Variants in RASAL2 observed in about 807,000 individuals in gnomAD.
RASAL2 encodes the protein RAS protein activator like 2, also known as ras GTPase-activating protein nGAP.
A neutral mutation model predicts 128.9 loss-of-function variants in RASAL2; 58 were observed. The ratio of observed to expected loss-of-function variants is 0.45; its 90% confidence interval spans 0.36 to 0.56. The LOEUF (loss-of-function observed/expected upper bound fraction) is 0.56. Ranked by LOEUF, RASAL2 falls within the 20% of genes least tolerant of loss-of-function variation. The probability of loss-of-function intolerance (pLI) is 0.00; values close to 1 mark genes in which losing one functional copy is unlikely to be tolerated. For missense variants in RASAL2, 1,360 were observed against 1,601.6 expected (o/e 0.85, Z 2.57); for synonymous variants, 561 against 580.8 (o/e 0.97, Z 0.49).
chr1:178,372,385 A>G (rs969841075), intron 3 of RASAL2: 1 of 966,144 alleles, frequency 1.0e-6, no homozygotes, highest in African/African-American at 1.8e-5. Flanking sequence ...ACTTTTGGGA[A>G]TAGGACCCCA....
At chr1:178,207,283 T>C (rs1447135678) in intron 1 of RASAL2, among the ~76,000 whole-genome samples, 2 of 151,856 alleles carry the variant, frequency 1.3e-5, no homozygotes, top group Admixed American at 1.3e-4. Flanking sequence ...AAAAAATAAA[T>C]ACAGTTTGTC....
At chr1:178,383,483 T>C (rs1003441763) in intron 3 of RASAL2, among the ~76,000 whole-genome samples, 1 of 152,236 alleles carries the variant, frequency 6.6e-6, no homozygotes, top group Non-Finnish European at 1.5e-5. Flanking sequence ...TTCTCTTTGC[T>C]CTTGTCACTT....
chr1:178,135,899 G>A (rs907626271), intron 1 of RASAL2, among the ~76,000 whole-genome samples: 14 of 152,154 alleles, frequency 9.2e-5, no homozygotes, highest in African/African-American at 2.7e-4. Flanking sequence ...CACGAGAACA[G>A]TATGGGGAAA....
intron 3 of RASAL2, among the ~76,000 whole-genome samples, chr1:178,307,503 A>G (rs368843958): frequency 6.6e-6 from 1 of 152,202 alleles, no homozygotes. Flanking sequence ...TTTGTATACA[A>G]ATAATACTGG....
At position 178,136,968 on chromosome 1, in the gene RASAL2, G is replaced by A. The variant is rs1660349928; in HGVS notation, c.202+42274G>A. Reference sequence around the variant, plus strand: ...TTTTATCCTTTAATTAGATGTAGTGGGGATAAGATTGGAAAGGTAAGTAGG... The same window carrying A: ...TTTTATCCTTTAATTAGATGTAGTGAGGATAAGATTGGAAAGGTAAGTAGG... On this transcript the variant is annotated intron_variant, in intron 1 of 17. Transcript: ENST00000367649. Among the ~76,000 whole-genome samples the A allele has an allele frequency of 2.0e-5, 3 of 151,984 alleles. No individual in the cohort carries two copies. In the South Asian group the frequency reaches 6.2e-4, roughly 32 times the overall value.
chr1:178,370,583 C>T (rs1373210390), intron 3 of RASAL2, among the ~76,000 whole-genome samples: 3 of 152,154 alleles, frequency 2.0e-5, no homozygotes, highest in African/African-American at 7.2e-5. Context: ...GTCACTTTAA[C>T]TACTTTTAAG....
chr1:178,094,833 G>A, intron 1 of RASAL2, 139 bp downstream of exon 1: 1 of 1,069,732 alleles, frequency 9.3e-7, no homozygotes, highest in Non-Finnish European at 1.3e-6. Flanking sequence ...TTCTGGGGGT[G>A]CATTTCTGAC....
intron 3 of RASAL2, among the ~76,000 whole-genome samples, chr1:178,359,558 T>A (rs1228117096): frequency 6.6e-6 from 1 of 152,226 alleles, no homozygotes. Flanking sequence ...AAACATCATT[T>A]TGGAATTTCC....
At chr1:178,454,289 G>A (rs1193695038) in intron 11 of RASAL2, among the ~76,000 whole-genome samples, 158 bp from the exon 12 acceptor site, 1 of 150,474 alleles carries the variant, frequency 6.6e-6, no homozygotes, top group African/African-American at 2.4e-5. Flanking sequence ...GTGATATTAA[G>A]AAAGTATGTT....
intron 3 of RASAL2, among the ~76,000 whole-genome samples, chr1:178,354,066 T>A (rs1670664559): frequency 6.6e-6 from 1 of 152,120 alleles, no homozygotes; most frequent in Admixed American, 6.5e-5. Context: ...CACCTAGCAA[T>A]GACACATCAT....
intron 3 of RASAL2, among the ~76,000 whole-genome samples, chr1:178,357,147 C>A (rs1389381046): frequency 6.6e-6 from 1 of 152,142 alleles, no homozygotes; most frequent in Admixed American, 6.5e-5. Flanking sequence ...AATAGCCTTG[C>A]AAATTTGTTC....
At chr1:178,323,472 G>T (rs183548699) in intron 3 of RASAL2, among the ~76,000 whole-genome samples, 1 of 152,256 alleles carries the variant, frequency 6.6e-6, no homozygotes, top group African/African-American at 2.4e-5. Flanking sequence ...TGAAATTAGA[G>T]AATTACTAAA....
At chr1:178,321,558 G>A (rs1173726737) in intron 3 of RASAL2, among the ~76,000 whole-genome samples, 3 of 151,792 alleles carry the variant, frequency 2.0e-5, no homozygotes, top group Non-Finnish European at 4.4e-5. Flanking sequence ...AGGCTAGAGT[G>A]CAGTGGCGCA....
Position 178,307,296 on chromosome 1 carries a change from A to G in RASAL2, c.457+7178A>G, listed in dbSNP as rs574941367. Among the ~76,000 whole-genome samples, 252 of 152,200 alleles carry G rather than the reference A, an allele frequency of 1.7e-3. 1 individual carries two copies. Among genetic ancestry groups the G allele is most frequent in the African/African-American group, 3.2e-3 (134 of 41,556 alleles). On this transcript the variant is annotated intron_variant, in intron 3 of 17. Transcript: ENST00000367649. ...ACTTTTAAAAAAAAAATTTTTTTCC[A>G]CTGAAAATGAGATGTTTTCTTAAGG...
intron 1 of RASAL2, among the ~76,000 whole-genome samples, chr1:178,260,389 T>A (rs867062789): frequency 0.023 from 938 of 40,440 alleles, 232 homozygotes; most frequent in Non-Finnish European, 0.03. Context: ...TATATATATA[T>A]ATATATATAT....
chr1:178,295,447 T>C (rs1667451552), intron 2 of RASAL2, among the ~76,000 whole-genome samples: 1 of 149,446 alleles, frequency 6.7e-6, no homozygotes, highest in Admixed American at 6.6e-5. Context: ...AGCTCCCGTT[T>C]ATGAGTGAGA....
intron 14 of RASAL2, among the ~76,000 whole-genome samples, chr1:178,462,300 T>C: frequency 6.6e-6 from 1 of 152,278 alleles, no homozygotes; most frequent in African/African-American, 2.4e-5. Flanking sequence ...AAGTAATAAA[T>C]TATATTTTAG....
intron 1 of RASAL2, among the ~76,000 whole-genome samples, chr1:178,206,658 A>ATTTTTTATGTC (rs1031291831): frequency 2.0e-5 from 3 of 152,284 alleles, no homozygotes; most frequent in Non-Finnish European, 4.4e-5. Context: ...AAAGCCTTAA[A>ATTTTTTATGTC]TTTTTTATGT....
rs1157103530 is a variant in RASAL2 at position 178,328,886 on chromosome 1, C to T, written c.457+28768C>T. Reference sequence around the variant, plus strand: ...GTTATGAGTGACTTATAAATACTAACAGGCAGCTGTGAGACCTTGTCTCTC... The same window carrying T: ...GTTATGAGTGACTTATAAATACTAATAGGCAGCTGTGAGACCTTGTCTCTC... On this transcript the variant is annotated intron_variant, in intron 3 of 17. Coordinates refer to ENST00000367649, the MANE Select transcript of RASAL2 (RefSeq NM_170692.4). Among the ~76,000 whole-genome samples, 7 of 152,192 alleles carry T rather than the reference C, an allele frequency of 4.6e-5. No homozygotes were observed. In the South Asian group the frequency reaches 1.4e-3, roughly 32 times the overall value.
Sources: gnomAD v4.1 joint callset for allele counts (sites outside exome capture counted in the v4.1 genomes callset) on GRCh38, gnomAD v4.1.1 for gene constraint, MANE v1.5 for transcripts, NCBI Gene and HGNC (gene_info 2026-07-23, HGNC 2026-07-21) for gene names.